The following TTC3 variants were observed in gnomAD, a reference collection of about 807,000 sequenced individuals.
TTC3 encodes the protein E3 ubiquitin-protein ligase TTC3.
In TTC3, 180 loss-of-function variants were observed where a neutral mutation model predicts 249.6. The observed-to-expected ratio is 0.72, with a 90% confidence interval of 0.64 to 0.82. The LOEUF is 0.82. TTC3 is among the 40% of genes least tolerant of loss of function. The pLI is 0.00. For synonymous variants in TTC3, 717 were observed against 805.0 expected (o/e 0.89, Z 1.85); for missense variants, 2,061 against 2,398.4 (o/e 0.86, Z 2.94).
Position 37,132,786 on chromosome 21 carries a change from A to C in TTC3, c.1443+20A>C, listed in dbSNP as rs982169421. ...CACCAGGTAATGGAGAAGCTTTTCC[A>C]ATGGAAAAAGCAAAACTCTTTGAAC... On this transcript the variant is annotated intron_variant, in intron 17 of 45. Coordinates refer to ENST00000355666, the Ensembl canonical transcript of TTC3. 2 of 1,572,032 alleles carry C rather than the reference A, an allele frequency of 1.3e-6. No homozygotes were observed. The highest frequency in any genetic ancestry group is 8.6e-7 in the Non-Finnish European group (1 of 1,160,606).
intron 17 of TTC3, among the ~76,000 whole-genome samples, chr21:37,133,525 A>G (rs2077651395): frequency 6.6e-6 from 1 of 152,232 alleles, no homozygotes; most frequent in Admixed American, 6.5e-5. Flanking sequence ...GCCTGTGAAG[A>G]TGAAAAGACT....
intron 1 of TTC3, among the ~76,000 whole-genome samples, chr21:37,078,397 A>G (rs2071187177): frequency 6.6e-6 from 1 of 152,122 alleles, no homozygotes; most frequent in South Asian, 2.1e-4. Context: ...GAGAATCGAA[A>G]TCTTTAAGAT....
chr21:37,119,953 T>C (rs1229511514), intron 11 of TTC3, among the ~76,000 whole-genome samples: 2 of 152,208 alleles, frequency 1.3e-5, no homozygotes, highest in African/African-American at 4.8e-5. Context: ...GTGTGTACAG[T>C]AGACCTTAGG....
At chr21:37,150,053 G>T (rs558618256) in intron 23 of TTC3, 25 bp from the exon 24 acceptor site, 104 of 1,319,238 alleles carry the variant, frequency 7.9e-5, no homozygotes, top group South Asian at 1.3e-4. Flanking sequence ...CATTTTTCTT[G>T]TTTTTTTTTT....
chr21:37,194,495 T>C (rs1335800626), intron 41 of TTC3: 1 of 152,014 alleles, frequency 6.6e-6, no homozygotes, highest in Non-Finnish European at 1.5e-5. Flanking sequence ...CCTATTTTAC[T>C]CCATAATGGC....
chr21:37,082,319 T>G, intron 1 of TTC3: 1 of 170,980 alleles, frequency 5.8e-6, no homozygotes, highest in Non-Finnish European at 1.2e-5. Flanking sequence ...AGGAGGGGGA[T>G]GTCTAAATTT....
intron 35 of TTC3, among the ~76,000 whole-genome samples, chr21:37,175,873 C>CA (rs11389598): frequency 1 from 151,770 of 151,776 alleles, 75,882 homozygotes; most frequent in Middle Eastern, 1. Context: ...CGGGTTCCAG[C>CA]ATTCTCCTGC....
intron 6 of TTC3, 39 bp downstream of exon 6, chr21:37,090,325 A>C: frequency 6.5e-7 from 1 of 1,526,860 alleles, no homozygotes; most frequent in Non-Finnish European, 9.0e-7. Context: ...GCCACTGTGG[A>C]TGAGTGGCAG....
chr21:37,137,394 GT>G (rs1351967965), intron 18 of TTC3, among the ~76,000 whole-genome samples: 9 of 152,284 alleles, frequency 5.9e-5, no homozygotes, highest in Admixed American at 2.0e-4. Flanking sequence ...ATTTACAGGA[GT>G]TTGGAAGAAG....
exon 6 of TTC3, chr21:37,090,254 G>A: frequency 1.2e-6 from 2 of 1,606,960 alleles, no homozygotes; most frequent in Non-Finnish European, 1.7e-6. Context: ...CCTTATTGGA[G>A]GCTTATTGAG....
In TTC3 at chr21:37,087,469, T is replaced by G. The variant is rs559300820; in HGVS notation, c.144+68T>G. 6.9e-5 allele frequency: 108 copies of G among 1,563,812 alleles called. No homozygotes were observed. In the South Asian group the frequency reaches 1.3e-3, roughly 18 times the overall value. On this transcript the variant is annotated intron_variant, in intron 2 of 45. Transcript: ENST00000355666. ...GAAGGTTTTCTGGTTTAGGGCTATC[T>G]GAGTAAAGATGTTTTTGTGGTACGT...
chr21:37,098,283 T>C (rs2147738480), intron 10 of TTC3: 1 of 206,902 alleles, frequency 4.8e-6, no homozygotes, highest in African/African-American at 2.3e-5. Context: ...AAAATTGAGG[T>C]GCCTGTCTGA....
chr21:37,089,915 G>A (rs926136843), intron 5 of TTC3, among the ~76,000 whole-genome samples: 5 of 151,914 alleles, frequency 3.3e-5, no homozygotes, highest in African/African-American at 4.8e-5. Flanking sequence ...AGCCTGGGAC[G>A]TGGAGGTTGT....
chr21:37,157,158 T>C (rs1188042651), intron 28 of TTC3: 7 of 1,401,516 alleles, frequency 5.0e-6, no homozygotes, highest in African/African-American at 2.9e-5. Context: ...CTTCCCGTCT[T>C]AGATATTTTC....
chr21:37,161,396 C>T (rs2080733897), intron 30 of TTC3, among the ~76,000 whole-genome samples: 1 of 152,226 alleles, frequency 6.6e-6, no homozygotes, highest in African/African-American at 2.4e-5. Flanking sequence ...CCACCTCAGC[C>T]TCCCGAGTAG....
At chr21:37,201,560 T>C (rs1479162455) in exon 46 of TTC3, 4 of 1,613,876 alleles carry the variant, frequency 2.5e-6, no homozygotes, top group Non-Finnish European at 3.4e-6. Flanking sequence ...GCTGCCTTCC[T>C]GCTCTTCTAG....
At chr21:37,115,417 A>G (rs1451111793) in intron 11 of TTC3, among the ~76,000 whole-genome samples, 1 of 152,142 alleles carries the variant, frequency 6.6e-6, no homozygotes, top group Non-Finnish European at 1.5e-5. Context: ...AGGAAGCCCC[A>G]GTAAACTGGT....
rs1335837844 is a variant in TTC3 at position 37,174,389 on chromosome 21, G to A, written c.4617+1645G>A. Among the ~76,000 whole-genome samples the A allele has an allele frequency of 3.9e-5, 6 of 152,294 alleles. No individual in the cohort carries two copies. The South Asian group carries it at 1.0e-3, about 26-fold the overall frequency. On this transcript the variant is annotated intron_variant, in intron 35 of 45. Coordinates refer to ENST00000355666, the Ensembl canonical transcript of TTC3. ...TACCTATTCCCTACCAGGATAAGTCGCTAATCTGAGTTCCTTGGGTTGGTG... is the reference window on the plus strand; with the variant it reads ...TACCTATTCCCTACCAGGATAAGTCACTAATCTGAGTTCCTTGGGTTGGTG...
chr21:37,087,953 C>A, intron 3 of TTC3, 78 bp downstream of exon 3: 4 of 1,153,014 alleles, frequency 3.5e-6, no homozygotes, highest in Middle Eastern at 2.0e-4. Context: ...CATAGCAATA[C>A]AACAGATTTA....
Sources: gnomAD v4.1 joint callset for allele counts (sites outside exome capture counted in the v4.1 genomes callset) on GRCh38, gnomAD v4.1.1 for gene constraint, MANE v1.5 for transcripts, NCBI Gene and HGNC (gene_info 2026-07-23, HGNC 2026-07-21) for gene names.